HS3ST4: variants seen among roughly 807,000 people sequenced by gnomAD.
The protein encoded by HS3ST4 is heparan sulfate-glucosamine 3-sulfotransferase 4, also known as heparan sulfate glucosamine 3-O-sulfotransferase 4.
In HS3ST4, 17 loss-of-function variants were observed where a neutral mutation model predicts 29.2. The observed-to-expected ratio is 0.58, with a 90% confidence interval of 0.40 to 0.87. The LOEUF (loss-of-function observed/expected upper bound fraction) is 0.87. Ranked by LOEUF, HS3ST4 falls within the 40% of genes least tolerant of loss-of-function variation. HS3ST4 has a pLI of 0.00. For missense variants in HS3ST4, 627 were observed against 634.5 expected, an observed-to-expected ratio of 0.99 and a Z score of 0.13; for synonymous variants, 314 against 285.7, an observed-to-expected ratio of 1.10 and a Z score of -1.00.
At chr16:25,769,258 G>A (rs1341638386) in intron 1 of HS3ST4, among the ~76,000 whole-genome samples, 1 of 152,118 alleles carries the variant, frequency 6.6e-6, no homozygotes, top group Non-Finnish European at 1.5e-5. Flanking sequence ...GAGGGTGTGT[G>A]GGTGGCTCAG....
intron 1 of HS3ST4, among the ~76,000 whole-genome samples, chr16:25,941,313 C>A (rs1410443045): frequency 6.6e-6 from 1 of 152,022 alleles, no homozygotes; most frequent in East Asian, 1.9e-4. Context: ...GCATGCATGA[C>A]CACATCTGGC....
chr16:25,774,497 G>T (rs944656527), intron 1 of HS3ST4, among the ~76,000 whole-genome samples: 1 of 152,208 alleles, frequency 6.6e-6, no homozygotes, highest in Non-Finnish European at 1.5e-5. Flanking sequence ...AGCAATGGTG[G>T]TTTAGACCAA....
At chr16:25,949,233 G>C (rs547278673) in intron 1 of HS3ST4, among the ~76,000 whole-genome samples, 1 of 152,180 alleles carries the variant, frequency 6.6e-6, no homozygotes, top group African/African-American at 2.4e-5. Context: ...CACTCTTTAA[G>C]TTATTTTAAA....
chr16:25,858,702 T>C (rs1390917977), intron 1 of HS3ST4, among the ~76,000 whole-genome samples: 1 of 152,212 alleles, frequency 6.6e-6, no homozygotes, highest in Non-Finnish European at 1.5e-5. Context: ...TCATGCTTTC[T>C]ACCTCTTCTT....
intron 1 of HS3ST4, among the ~76,000 whole-genome samples, chr16:25,743,994 T>C (rs1966670782): frequency 6.6e-6 from 1 of 152,218 alleles, no homozygotes; most frequent in East Asian, 1.9e-4. Context: ...CAGTTGACAT[T>C]TTTCAAGGCC....
chr16:25,899,124 A>G lies in HS3ST4; in HGVS notation c.734+205973A>G, dbSNP rs7199448. Among the ~76,000 whole-genome samples the G allele has an allele frequency of 5.8e-3, 890 of 152,274 alleles. 12 individuals carry two copies. Among genetic ancestry groups the G allele is most frequent in the African/African-American group, 0.021 (857 of 41,554 alleles). On this transcript the variant is annotated intron_variant, in intron 1 of 1. Coordinates refer to ENST00000331351, the MANE Select transcript of HS3ST4 (RefSeq NM_006040.3). ...TCTGTTTTTGCATCTGCTGTTCTCC[A>G]TGACTGAAAGATCCTGTCCTTAACT...
At chr16:25,946,057 G>A (rs1408884263) in intron 1 of HS3ST4, among the ~76,000 whole-genome samples, 1 of 152,032 alleles carries the variant, frequency 6.6e-6, no homozygotes, top group African/African-American at 2.4e-5. Context: ...TACTATGAAG[G>A]GGCTTAAACA....
intron 1 of HS3ST4, among the ~76,000 whole-genome samples, chr16:25,991,004 T>A (rs1969108806): frequency 6.6e-6 from 1 of 152,132 alleles, no homozygotes; most frequent in African/African-American, 2.4e-5. Flanking sequence ...AGAGCCCTGA[T>A]TCGATGCTTG....
intron 1 of HS3ST4, among the ~76,000 whole-genome samples, chr16:25,829,057 G>A (rs562313433): frequency 4.1e-4 from 62 of 152,298 alleles, no homozygotes; most frequent in Middle Eastern, 3.4e-3. Flanking sequence ...AGGCAATCAC[G>A]TTATCTTTAT....
At chr16:26,082,213 C>T (rs984953264) in intron 1 of HS3ST4, among the ~76,000 whole-genome samples, 8 of 152,174 alleles carry the variant, frequency 5.3e-5, no homozygotes, top group South Asian at 2.1e-4. Flanking sequence ...ATCACCTTTA[C>T]GTTCCCTTAC....
rs149779527 is a variant in HS3ST4 at position 25,777,746 on chromosome 16, C to A, written c.734+84595C>A. 6.4e-3 allele frequency among the ~76,000 whole-genome samples: 971 copies of A among 152,082 alleles called. 7 individuals are homozygous for A. Among genetic ancestry groups the A allele is most frequent in the African/African-American group, 0.022 (927 of 41,470 alleles). ...TCGCGCCACTGCACTCCAGCCTGGG[C>A]GACAGAGTGAGACTCCATCTCAAAA... On this transcript the variant is annotated intron_variant, in intron 1 of 1. Coordinates refer to ENST00000331351, the MANE Select transcript of HS3ST4 (RefSeq NM_006040.3).
intron 1 of HS3ST4, among the ~76,000 whole-genome samples, chr16:25,761,624 C>A (rs1208879676): frequency 6.6e-6 from 1 of 152,128 alleles, no homozygotes; most frequent in Non-Finnish European, 1.5e-5. Context: ...GGATGGGAAC[C>A]AGATCTTGAG....
intron 1 of HS3ST4, among the ~76,000 whole-genome samples, chr16:26,010,588 T>C (rs1969301746): frequency 6.6e-6 from 1 of 152,230 alleles, no homozygotes; most frequent in Non-Finnish European, 1.5e-5. Flanking sequence ...TTTGGGTGTC[T>C]ATAATTTTCA....
intron 1 of HS3ST4, among the ~76,000 whole-genome samples, chr16:25,852,560 T>G (rs1176647960): frequency 1.3e-5 from 2 of 151,994 alleles, no homozygotes; most frequent in Admixed American, 1.3e-4. Context: ...TTTTTTTAAA[T>G]GGGCAATCTT....
chr16:26,092,810 G>A (rs2141790686), intron 1 of HS3ST4, among the ~76,000 whole-genome samples: 1 of 152,314 alleles, frequency 6.6e-6, no homozygotes, highest in South Asian at 2.1e-4. Context: ...GGAAGTGCAA[G>A]GGGTCGGGGA....
chr16:25,801,978 C>CT (rs58964023), intron 1 of HS3ST4, among the ~76,000 whole-genome samples: 14,536 of 137,118 alleles, frequency 0.11, 859 homozygotes, highest in South Asian at 0.14. Context: ...CAAATATTTT[C>CT]TTTTTTTTTT....
intron 1 of HS3ST4, among the ~76,000 whole-genome samples, chr16:26,133,970 A>G (rs556956646): frequency 1.4e-4 from 21 of 152,326 alleles, no homozygotes; most frequent in African/African-American, 4.6e-4. Flanking sequence ...TTTATCTTCA[A>G]TTAACTTTGG....
At chr16:25,798,387 C>G (rs1398918616) in intron 1 of HS3ST4, among the ~76,000 whole-genome samples, 1 of 152,168 alleles carries the variant, frequency 6.6e-6, no homozygotes, top group Non-Finnish European at 1.5e-5. Context: ...TGTACTTATC[C>G]TACAAAACTT....
At chr16:25,749,730 T>C (rs940307189) in intron 1 of HS3ST4, among the ~76,000 whole-genome samples, 15 of 152,204 alleles carry the variant, frequency 9.9e-5, no homozygotes, top group African/African-American at 3.6e-4. Context: ...ATGTAATACA[T>C]GTAAAATGGG....
Sources: gnomAD v4.1 joint callset for allele counts (sites outside exome capture counted in the v4.1 genomes callset) on GRCh38, gnomAD v4.1.1 for gene constraint, MANE v1.5 for transcripts, NCBI Gene and HGNC (gene_info 2026-07-23, HGNC 2026-07-21) for gene names.